The following MIPOL1 variants were observed in gnomAD, a reference collection of about 807,000 sequenced individuals.
MIPOL1 encodes mirror-image polydactyly 1, also known as mirror-image polydactyly gene 1 protein.
Under a neutral mutation model 60.9 loss-of-function variants are expected in MIPOL1, and 57 were observed. That is an observed-to-expected ratio of 0.94 (90% CI 0.76 to 1.17). The LOEUF (loss-of-function observed/expected upper bound fraction) is 1.17, where lower values mean the gene tolerates loss of function less well. Ranked by LOEUF, MIPOL1 falls within the 50% of genes most tolerant of loss-of-function variation. The probability of loss-of-function intolerance (pLI) is 0.00; values close to 1 mark genes in which losing one functional copy is unlikely to be tolerated. For synonymous variants in MIPOL1, 179 were observed against 168.8 expected, an observed-to-expected ratio of 1.06 and a Z score of -0.47; for missense variants, 551 against 511.6, an observed-to-expected ratio of 1.08 and a Z score of -0.74.
chr14:37,535,479 G>A (rs577773740), intron 12 of MIPOL1, among the ~76,000 whole-genome samples: 7 of 152,286 alleles, frequency 4.6e-5, no homozygotes, highest in Admixed American at 4.6e-4. Context: ...CCCAGGAATT[G>A]TGAGATCTGA....
chr14:37,287,791 A>G (rs570794652), intron 7 of MIPOL1, among the ~76,000 whole-genome samples: 1 of 152,014 alleles, frequency 6.6e-6, no homozygotes, highest in African/African-American at 2.4e-5. Context: ...TTTAATCTAT[A>G]TTTATTTTTT....
intron 12 of MIPOL1, among the ~76,000 whole-genome samples, chr14:37,522,070 C>T (rs973406973): frequency 6.7e-6 from 1 of 149,768 alleles, no homozygotes; most frequent in Non-Finnish European, 1.5e-5. Flanking sequence ...ATCAATTTAA[C>T]ACATTTTATT....
intron 1 of MIPOL1, chr14:37,219,617 G>C (rs755692424): frequency 6.6e-6 from 1 of 152,280 alleles, no homozygotes; most frequent in South Asian, 2.1e-4. Flanking sequence ...GTCCCCCTGC[G>C]TTGGCCTCCC....
chr14:37,212,633 TG>T (rs1004382560), intron 1 of MIPOL1, among the ~76,000 whole-genome samples: 11 of 152,128 alleles, frequency 7.2e-5, no homozygotes, highest in Non-Finnish European at 1.0e-4. Flanking sequence ...ACCTGGGGCC[TG>T]GGGGACCTCA....
intron 12 of MIPOL1, among the ~76,000 whole-genome samples, chr14:37,545,053 A>G (rs967977810): frequency 6.6e-6 from 1 of 152,216 alleles, no homozygotes; most frequent in Non-Finnish European, 1.5e-5. Context: ...GCTGACTTTT[A>G]TATTGTGAAA....
At chr14:37,522,523 A>G (rs562548643) in intron 12 of MIPOL1, among the ~76,000 whole-genome samples, 60 of 152,288 alleles carry the variant, frequency 3.9e-4, no homozygotes, top group African/African-American at 1.3e-3. Context: ...GCAACTTACT[A>G]TTGTATGATA....
At chr14:37,500,620 A>T (rs1363171711) in intron 12 of MIPOL1, among the ~76,000 whole-genome samples, 1 of 152,182 alleles carries the variant, frequency 6.6e-6, no homozygotes, top group Non-Finnish European at 1.5e-5. Flanking sequence ...TGCTTTTCAC[A>T]GTGCATAATT....
chr14:37,345,232 T>C (rs1458536428), intron 9 of MIPOL1, among the ~76,000 whole-genome samples: 1 of 145,086 alleles, frequency 6.9e-6, no homozygotes, highest in Non-Finnish European at 1.5e-5. Context: ...GCCTTCTGAG[T>C]AGTTGGGCCT....
intron 11 of MIPOL1, among the ~76,000 whole-genome samples, chr14:37,482,712 C>A (rs139060511): frequency 2.0e-5 from 3 of 152,276 alleles, no homozygotes; most frequent in Non-Finnish European, 2.9e-5. Context: ...CCCTCGACAC[C>A]TGAATTGCAA....
chr14:37,353,084 A>G (rs1176941200), intron 9 of MIPOL1, among the ~76,000 whole-genome samples: 3 of 132,658 alleles, frequency 2.3e-5, no homozygotes, highest in Non-Finnish European at 4.8e-5. Flanking sequence ...TGTCCCATCA[A>G]TACCTAATTT....
At chr14:37,431,176 A>T (rs1166923963) in intron 11 of MIPOL1, among the ~76,000 whole-genome samples, 1 of 152,200 alleles carries the variant, frequency 6.6e-6, no homozygotes, top group Admixed American at 6.5e-5. Flanking sequence ...TAGATTAAAA[A>T]AGTGCAGTGT....
At chr14:37,243,235 A>G in intron 1 of MIPOL1, among the ~76,000 whole-genome samples, 1 of 152,108 alleles carries the variant, frequency 6.6e-6, no homozygotes, top group East Asian at 1.9e-4. Context: ...TTTCTTCCTG[A>G]ACCTCTTCTT....
chr14:37,529,165 T>C (rs1195562663), intron 12 of MIPOL1, among the ~76,000 whole-genome samples: 1 of 152,236 alleles, frequency 6.6e-6, no homozygotes, highest in Non-Finnish European at 1.5e-5. Flanking sequence ...GACTACTTAC[T>C]GGATGGAATT....
At chr14:37,501,482 A>G (rs2095214303) in intron 12 of MIPOL1, 1 of 152,228 alleles carries the variant, frequency 6.6e-6, no homozygotes, top group African/African-American at 2.4e-5. Flanking sequence ...TTTTCAAAAA[A>G]TCTTCGGATG....
intron 12 of MIPOL1, among the ~76,000 whole-genome samples, chr14:37,537,514 A>G (rs962999290): frequency 4.6e-5 from 7 of 152,188 alleles, no homozygotes; most frequent in Non-Finnish European, 1.0e-4. Flanking sequence ...ATCACAACCC[A>G]TTATTAAATT....
intron 11 of MIPOL1, among the ~76,000 whole-genome samples, chr14:37,431,604 A>T (rs2094069714): frequency 2.1e-5 from 2 of 93,356 alleles, no homozygotes; most frequent in South Asian, 3.8e-4. Context: ...TTTGAGACAG[A>T]GTCTTGCTCT....
intron 11 of MIPOL1, among the ~76,000 whole-genome samples, chr14:37,476,865 T>C (rs1473276872): frequency 6.6e-6 from 1 of 151,376 alleles, no homozygotes; most frequent in Non-Finnish European, 1.5e-5. Flanking sequence ...CTATGTTTAC[T>C]GGTTTGTAAG....
intron 12 of MIPOL1, among the ~76,000 whole-genome samples, chr14:37,526,196 CTTT>C (rs78866640): frequency 3.0e-5 from 4 of 133,112 alleles, no homozygotes; most frequent in African/African-American, 5.5e-5. Context: ...TGTATATATG[CTTT>C]TTTTTTTTTT....
intron 10 of MIPOL1, among the ~76,000 whole-genome samples, chr14:37,384,542 A>C (rs1348757302): frequency 1.3e-5 from 2 of 151,920 alleles, no homozygotes; most frequent in African/African-American, 2.4e-5. Flanking sequence ...TCAAATATAC[A>C]AACAAGTGTG....
Sources: allele counts gnomAD v4.1 joint callset (sites outside exome capture counted in the v4.1 genomes callset), GRCh38; gene constraint gnomAD v4.1.1; transcripts MANE v1.5; gene names NCBI Gene and HGNC (gene_info 2026-07-23, HGNC 2026-07-21).